Variants in ZBTB20 observed in about 807,000 individuals in gnomAD.
ZBTB20 encodes the protein zinc finger and BTB domain containing 20, also known as zinc finger and BTB domain-containing protein 20.
A neutral mutation model predicts 56.9 loss-of-function variants in ZBTB20; 9 were observed. That is an observed-to-expected ratio of 0.16 (90% confidence interval 0.10 to 0.28). ZBTB20 has a LOEUF of 0.28. Among genes scored for constraint, ZBTB20 ranks in the 10% least tolerant of loss-of-function variants. ZBTB20 has a pLI of 1.00. For synonymous variants in ZBTB20, 417 were observed against 420.7 expected, an observed-to-expected ratio of 0.99 and a Z score of 0.11; for missense variants, 655 against 1,003.0, an observed-to-expected ratio of 0.65 and a Z score of 4.69.
At chr3:115,045,136 C>T (rs1158885918) in intron 2 of ZBTB20, among the ~76,000 whole-genome samples, 1 of 152,164 alleles carries the variant, frequency 6.6e-6, no homozygotes, top group African/African-American at 2.4e-5. Flanking sequence ...CACAGGACCA[C>T]AAAAGCCTCT....
intron 6 of ZBTB20, among the ~76,000 whole-genome samples, chr3:114,500,841 G>A (rs1559876758): frequency 6.6e-6 from 1 of 152,124 alleles, no homozygotes; most frequent in African/African-American, 2.4e-5. Flanking sequence ...ACATGTGGCT[G>A]GTGACTGCCT....
At chr3:114,499,729 G>T (rs758491083) in intron 7 of ZBTB20, among the ~76,000 whole-genome samples, 7 of 151,600 alleles carry the variant, frequency 4.6e-5, no homozygotes, top group Non-Finnish European at 8.8e-5. Flanking sequence ...ATATAAAATC[G>T]TGTTTTTTTT....
chr3:114,884,853 G>A (rs967462806), intron 4 of ZBTB20, among the ~76,000 whole-genome samples: 4 of 152,102 alleles, frequency 2.6e-5, no homozygotes, highest in African/African-American at 7.2e-5. Flanking sequence ...AGTGATTTGC[G>A]AAAGGGAGAA....
At chr3:114,948,854 G>C (rs1485835003) in intron 3 of ZBTB20, among the ~76,000 whole-genome samples, 8 of 146,082 alleles carry the variant, frequency 5.5e-5, no homozygotes, top group Non-Finnish European at 1.0e-4. Context: ...TGCATTTATA[G>C]ATTAGATATC....
intron 6 of ZBTB20, among the ~76,000 whole-genome samples, chr3:114,661,860 C>A (rs915368149): frequency 2.2e-4 from 34 of 151,844 alleles, no homozygotes; most frequent in Non-Finnish European, 2.8e-4. Flanking sequence ...CTTGCATGTG[C>A]CATTCTACAT....
At position 114,351,216 on chromosome 3, in the gene ZBTB20, T is replaced by C. The variant is rs1308242851; in HGVS notation, c.862A>G (p.Ile288Val). 1.2e-6 allele frequency: 2 copies of C among 1,601,592 alleles called. No individual in the cohort carries two copies. Among genetic ancestry groups the C allele is most frequent in the Non-Finnish European group, 1.7e-6 (2 of 1,179,366 alleles). Residue 288 changes from isoleucine (I) to valine (V), a missense_variant, in exon 11 of 12, where the codon ATC becomes GTC. Ile to Val is a conservative substitution (Grantham distance 29, BLOSUM62 3). Around this residue, in one of 10 missense-constraint regions of ZBTB20, gnomAD observed 167 missense variants for 281.9 expected, o/e 0.59. Coordinates refer to ENST00000675478, the MANE Select transcript of ZBTB20 (RefSeq NM_001348800.3). ...TGCGAGCGCTCATGGATGCGTGTGA[T>C]CCAGCTGGGGTCTTCCATGTGGTGG... ...RDHHMEDPSW[I>V]TRIHERSQQM... is the part of the protein sequence containing the mutation.
chr3:114,654,052 TATTC>T (rs1294358067), intron 6 of ZBTB20, among the ~76,000 whole-genome samples: 1 of 151,918 alleles, frequency 6.6e-6, no homozygotes, highest in Non-Finnish European at 1.5e-5. Flanking sequence ...TCTTTTCAAA[TATTC>T]ATGTTTTGCT....
At chr3:114,456,843 T>C (rs2092049107) in intron 7 of ZBTB20, among the ~76,000 whole-genome samples, 1 of 152,226 alleles carries the variant, frequency 6.6e-6, no homozygotes, top group Admixed American at 6.5e-5. Context: ...CCGAAAACTA[T>C]CTCTCAGTCA....
intron 4 of ZBTB20, among the ~76,000 whole-genome samples, chr3:114,831,087 C>CTTTTTTTTTTTTTTTTTTTT (rs57265260): frequency 3.6e-5 from 2 of 55,550 alleles, no homozygotes; most frequent in African/African-American, 9.7e-5. Flanking sequence ...TTTCTTTCTT[C>CTTTTTTTTTTTTTTTTTTTT]TTTTTTTTTT....
chr3:114,537,364 G>A (rs2048587552), intron 6 of ZBTB20, among the ~76,000 whole-genome samples: 2 of 152,062 alleles, frequency 1.3e-5, no homozygotes, highest in Non-Finnish European at 2.9e-5. Flanking sequence ...ACATTTATGT[G>A]GTCAACGAAC....
chr3:114,676,937 G>C (rs994883714), intron 6 of ZBTB20, among the ~76,000 whole-genome samples: 1 of 152,096 alleles, frequency 6.6e-6, no homozygotes, highest in African/African-American at 2.4e-5. Context: ...ACCACGCCCA[G>C]CTAATTTTTG....
At chr3:115,005,795 G>C (rs527835688) in intron 2 of ZBTB20, among the ~76,000 whole-genome samples, 1 of 151,668 alleles carries the variant, frequency 6.6e-6, no homozygotes, top group Non-Finnish European at 1.5e-5. Context: ...CTCACTAACT[G>C]CCTTGATAAT....
chr3:114,986,647 A>G (rs1576492911), intron 2 of ZBTB20, among the ~76,000 whole-genome samples: 2 of 152,278 alleles, frequency 1.3e-5, no homozygotes, highest in East Asian at 3.9e-4. Flanking sequence ...CCCAATTGGA[A>G]TATACCTTTA....
intron 6 of ZBTB20, among the ~76,000 whole-genome samples, chr3:114,680,104 C>A (rs1046625535): frequency 6.6e-6 from 1 of 151,938 alleles, no homozygotes; most frequent in African/African-American, 2.4e-5. Flanking sequence ...ATGAACACAG[C>A]GAGGGGAACA....
chr3:114,459,026 T>C (rs1044605963), intron 7 of ZBTB20, among the ~76,000 whole-genome samples: 12 of 152,168 alleles, frequency 7.9e-5, no homozygotes, highest in East Asian at 1.9e-4. Flanking sequence ...TCATCAAATA[T>C]AGGGAGTGTG....
In ZBTB20 at chr3:114,334,676, A is replaced by G. The variant is rs2079388964; in HGVS notation, c.*4329T>C. 6.6e-6 allele frequency: 1 copy of G among 152,242 alleles called. No individual in the cohort carries two copies. Among genetic ancestry groups the G allele is most frequent in the Non-Finnish European group, 1.5e-5 (1 of 68,034 alleles). 9.4% of individuals were successfully genotyped at this position (152,242 alleles called of 1,614,324 possible). A position where few individuals can be genotyped will look rare whatever the true frequency, so the allele number is the denominator to read the frequency against. Reference sequence around the variant, plus strand: ...GCAAACCCAAGTCTTTCTAAGGCCAAGAGCTACTATGATCTCTAAGATGAC... The same window carrying G: ...GCAAACCCAAGTCTTTCTAAGGCCAGGAGCTACTATGATCTCTAAGATGAC... On this transcript the variant is annotated 3_prime_UTR_variant, in exon 12 of 12. Transcript: ENST00000675478.
chr3:114,422,125 C>A, intron 7 of ZBTB20, among the ~76,000 whole-genome samples: 1 of 152,144 alleles, frequency 6.6e-6, no homozygotes, highest in East Asian at 1.9e-4. Context: ...TGTCTCACTA[C>A]GGCATGATAG....
intron 4 of ZBTB20, among the ~76,000 whole-genome samples, chr3:114,810,235 T>C (rs1286263467): frequency 1.3e-5 from 2 of 152,222 alleles, no homozygotes; most frequent in South Asian, 2.1e-4. Context: ...TTCAGACCTC[T>C]AGGAATATGT....
intron 7 of ZBTB20, among the ~76,000 whole-genome samples, chr3:114,392,141 C>T (rs1258010643): frequency 6.6e-6 from 1 of 152,124 alleles, no homozygotes; most frequent in Non-Finnish European, 1.5e-5. Flanking sequence ...ACTGTCAACA[C>T]CACTGGGGAG....
Sources: gnomAD v4.1 joint callset for allele counts (sites outside exome capture counted in the v4.1 genomes callset) on GRCh38, gnomAD v4.1.1 for gene constraint, gnomAD v4.1.1 regional missense constraint, MANE v1.5 for transcripts, NCBI Gene and HGNC (gene_info 2026-07-23, HGNC 2026-07-21) for gene names.